The following SLC22A24 variants were observed in gnomAD, a reference collection of about 807,000 sequenced individuals.
SLC22A24 encodes the protein steroid transmembrane transporter SLC22A24.
SLC22A24 carries 53 observed loss-of-function variants against 49.8 expected under a neutral mutation model. The ratio of observed to expected loss-of-function variants is 1.06; its 90% CI spans 0.85 to 1.34. The LOEUF (loss-of-function observed/expected upper bound fraction) is 1.34, where lower values mean the gene tolerates loss of function less well. Ranked by LOEUF, SLC22A24 falls within the 40% of genes most tolerant of loss-of-function variation. SLC22A24 has a pLI of 0.00. For synonymous variants in SLC22A24, 302 were observed against 256.4 expected (o/e 1.18, Z -1.70); for missense variants, 786 against 675.9 (o/e 1.16, Z -1.81).
At chr11:63,134,622 A>G (rs987837726) in intron 2 of SLC22A24, 43 bp downstream of exon 2, 30 of 1,107,080 alleles carry the variant, frequency 2.7e-5, no homozygotes, top group Non-Finnish European at 3.6e-5. Context: ...GAATGAATAT[A>G]TCATCTGATA....
intron 6 of SLC22A24, among the ~76,000 whole-genome samples, chr11:63,087,330 G>C (rs2086993613): frequency 6.6e-6 from 1 of 152,172 alleles, no homozygotes; most frequent in Non-Finnish European, 1.5e-5. Context: ...GGAAGTGCAA[G>C]GAGCCAGGGA....
chr11:63,108,513 G>T (rs1257403214), intron 4 of SLC22A24, among the ~76,000 whole-genome samples: 4 of 152,096 alleles, frequency 2.6e-5, no homozygotes, highest in Admixed American at 2.0e-4. Flanking sequence ...AATGGTATCA[G>T]CTCTCTTTGT....
At position 63,083,425 on chromosome 11, in the gene SLC22A24, A is replaced by T; in HGVS notation, c.1103T>A (p.Ile368Lys). Residue 368 changes from isoleucine to lysine, a missense_variant, in exon 7 of 10, where the codon ATA becomes AAA. Physicochemically the swap from Ile to Lys is moderately radical, Grantham distance 102. Coordinates refer to ENST00000612278, the MANE Select transcript of SLC22A24 (RefSeq NM_001136506.2). Reference protein sequence around the residue: ...FAITVPFYGLILNLQHLGSNV... With the variant: ...FAITVPFYGLKLNLQHLGSNV... Reference sequence around the variant, plus strand: ...GCTCCCTAAGTGCTGCAAGTTGAGTATCAGGCCATAAAAGGGTACAGTGAT... The same window carrying T: ...GCTCCCTAAGTGCTGCAAGTTGAGTTTCAGGCCATAAAAGGGTACAGTGAT... The T allele has an allele frequency of 6.4e-7, 1 of 1,551,498 alleles. No individual in the cohort carries two copies. Among genetic ancestry groups the T allele is most frequent in the Non-Finnish European group, 8.7e-7 (1 of 1,146,834 alleles).
At chr11:63,131,539 G>A (rs1159988371) in intron 2 of SLC22A24, among the ~76,000 whole-genome samples, 1 of 152,136 alleles carries the variant, frequency 6.6e-6, no homozygotes, top group Non-Finnish European at 1.5e-5. Flanking sequence ...CACTTATGAA[G>A]CTTAGTTTGG....
At chr11:63,114,749 T>G (rs1203691544) in intron 4 of SLC22A24, among the ~76,000 whole-genome samples, 1 of 152,192 alleles carries the variant, frequency 6.6e-6, no homozygotes, top group East Asian at 1.9e-4. Context: ...TTGGTGTGGA[T>G]ATCCTTTTTG....
chr11:63,138,416 G>A lies in SLC22A24; in HGVS notation c.403-3648C>T, dbSNP rs565803943. Among the ~76,000 whole-genome samples, 10 of 152,160 alleles carry A rather than the reference G, an allele frequency of 6.6e-5. No individual in the cohort carries two copies. In the South Asian group the frequency reaches 2.1e-3, roughly 32 times the overall value. ...CCAGCACTTTTGGAGGCCGAGGCAG[G>A]CAGATCATAAGGTCAGGAGATCAAG... On this transcript the variant is annotated intron_variant, in intron 1 of 9. Coordinates refer to ENST00000612278, the MANE Select transcript of SLC22A24 (RefSeq NM_001136506.2).
intron 7 of SLC22A24, among the ~76,000 whole-genome samples, chr11:63,081,950 G>A (rs1278777894): frequency 6.6e-6 from 1 of 152,112 alleles, no homozygotes; most frequent in African/African-American, 2.4e-5. Flanking sequence ...GGAAATATTT[G>A]TTTTATTTAT....
At chr11:63,094,733 G>A (rs2087042537) in intron 6 of SLC22A24, among the ~76,000 whole-genome samples, 1 of 152,188 alleles carries the variant, frequency 6.6e-6, no homozygotes, top group Non-Finnish European at 1.5e-5. Context: ...GATGGCCAGT[G>A]ATGGTGAGCA....
chr11:63,094,940 A>G (rs2134644068), intron 6 of SLC22A24, among the ~76,000 whole-genome samples: 1 of 151,948 alleles, frequency 6.6e-6, no homozygotes, highest in African/African-American at 2.4e-5. Flanking sequence ...TTGCCTGTTC[A>G]CTCTGCTGGT....
chr11:63,119,451 G>GT, intron 2 of SLC22A24, 116 bp from the exon 3 acceptor site: 1 of 980,588 alleles, frequency 1.0e-6, no homozygotes, highest in Non-Finnish European at 1.5e-6. Flanking sequence ...GGAACATGGT[G>GT]CTTGACACCG....
chr11:63,122,123 T>C (rs1477786957), intron 2 of SLC22A24, among the ~76,000 whole-genome samples: 1 of 152,164 alleles, frequency 6.6e-6, no homozygotes, highest in Middle Eastern at 3.2e-3. Context: ...TCTGGCTAGA[T>C]ATTTACCATC....
At chr11:63,126,188 C>T (rs1258143693) in intron 2 of SLC22A24, among the ~76,000 whole-genome samples, 2 of 152,096 alleles carry the variant, frequency 1.3e-5, no homozygotes, top group African/African-American at 2.4e-5. Context: ...TCTATTTTGG[C>T]TTTTGTTGCC....
intron 4 of SLC22A24, among the ~76,000 whole-genome samples, chr11:63,117,368 G>A (rs778939245): frequency 1.3e-5 from 2 of 152,114 alleles, no homozygotes; most frequent in Non-Finnish European, 2.9e-5. Flanking sequence ...TAAGTTAGTT[G>A]TCTGCAACCA....
At chr11:63,125,706 G>A (rs1488718102) in intron 2 of SLC22A24, among the ~76,000 whole-genome samples, 1 of 152,112 alleles carries the variant, frequency 6.6e-6, no homozygotes, top group East Asian at 1.9e-4. Context: ...AATATTTCTG[G>A]TTCTAGATCC....
rs2086960916 is a variant in SLC22A24 at position 63,081,630 on chromosome 11, C to T, written c.1322G>A (p.Gly441Glu). The T allele has an allele frequency of 1.3e-6, 2 of 1,551,508 alleles. No homozygotes were observed. Among genetic ancestry groups the T allele is most frequent in the Non-Finnish European group, 1.7e-6 (2 of 1,146,862 alleles). Residue 441 changes from glycine (G) to glutamate (E), a missense_variant, in exon 8 of 10, where the codon GGA (glycine) becomes GAA (glutamate). Transcript: ENST00000612278. ...QILRVVLATL[G>E]IGSVSAASNS... ...GCTAGCAGCAGAAACACTACCAATT[C>T]CCAAAGTTGCTAAAACCACACGCAG...
intron 2 of SLC22A24, among the ~76,000 whole-genome samples, chr11:63,121,152 T>G (rs1474704421): frequency 6.6e-6 from 1 of 152,164 alleles, no homozygotes; most frequent in Non-Finnish European, 1.5e-5. Context: ...TAGTAAATAA[T>G]GTATGAATAT....
rs1012268230 is a variant in SLC22A24 at position 63,097,698 on chromosome 11, C to T, written c.955-1592G>A. Among the ~76,000 whole-genome samples the T allele has an allele frequency of 1.4e-4, 21 of 152,106 alleles. 1 individual carries two copies. Among genetic ancestry groups the T allele is most frequent in the East Asian group, 3.9e-4 (2 of 5,184 alleles). On this transcript the variant is annotated intron_variant, in intron 5 of 9. Transcript: ENST00000612278. The stretch of plus-strand genomic sequence containing the variant: ...TCAATGATAGACTGGATAAAGAAAA[C>T]GGGGCACATATATGCCACGGAATAC...
At chr11:63,129,550 C>A (rs1040414393) in intron 2 of SLC22A24, among the ~76,000 whole-genome samples, 1 of 152,052 alleles carries the variant, frequency 6.6e-6, no homozygotes, top group East Asian at 1.9e-4. Flanking sequence ...GGCATTGAAT[C>A]TATAAATTAC....
chr11:63,130,363 C>T (rs569060392), intron 2 of SLC22A24, among the ~76,000 whole-genome samples: 1 of 152,260 alleles, frequency 6.6e-6, no homozygotes, highest in South Asian at 2.1e-4. Flanking sequence ...TGATGTGCTG[C>T]TGGATTCGGT....
Sources: gnomAD v4.1 joint callset for allele counts (sites outside exome capture counted in the v4.1 genomes callset) on GRCh38, gnomAD v4.1.1 for gene constraint, MANE v1.5 for transcripts, NCBI Gene and HGNC (gene_info 2026-07-23, HGNC 2026-07-21) for gene names.